RASGRF1: variants seen among roughly 807,000 people sequenced by gnomAD.
The protein encoded by RASGRF1 is ras-specific guanine nucleotide-releasing factor 1.
Under a neutral mutation model 138.7 loss-of-function variants are expected in RASGRF1, and 40 were observed. The observed-to-expected ratio is 0.29, with a 90% CI of 0.22 to 0.38. The LOEUF (loss-of-function observed/expected upper bound fraction) is 0.38. Ranked by LOEUF, RASGRF1 falls within the 10% of genes least tolerant of loss-of-function variation. The pLI is 1.00. For missense variants in RASGRF1, 1,108 were observed against 1,650.4 expected (o/e 0.67, Z 5.69); for synonymous variants, 614 against 663.2 (o/e 0.93, Z 1.14).
chr15:79,077,521 A>G (rs114423309), intron 1 of RASGRF1, among the ~76,000 whole-genome samples: 91 of 152,274 alleles, frequency 6.0e-4, no homozygotes, highest in African/African-American at 2.1e-3. Flanking sequence ...ATGCCTGCAC[A>G]CATACACACA....
In RASGRF1 at chr15:79,035,289, C is replaced by T. The variant is rs1393826873; in HGVS notation, c.879-79G>A. On this transcript the variant is annotated intron_variant, in intron 5 of 26. Coordinates refer to ENST00000558480, the MANE Select transcript of RASGRF1 (RefSeq NM_001145648.3). ...GAGGTGACTGTCCCCAAACCTCCTG[C>T]GTGACTTCAGCAGCGAACCCTTTTC... The T allele has an allele frequency of 4.2e-6, 5 of 1,190,506 alleles. No homozygotes were observed. The South Asian group carries it at 4.3e-5, about 10-fold the overall frequency. 73.7% of individuals were successfully genotyped at this position (1,190,506 alleles called of 1,614,324 possible). A position where few individuals can be genotyped will look rare whatever the true frequency, so the allele number is the denominator to read the frequency against.
chr15:79,048,720 T>C (rs1040706564), intron 4 of RASGRF1, among the ~76,000 whole-genome samples: 4 of 152,218 alleles, frequency 2.6e-5, no homozygotes, highest in Admixed American at 1.3e-4. Context: ...GATGAAAATC[T>C]CAAAATCTCA....
At position 78,962,149 on chromosome 15, in the gene RASGRF1, T is replaced by G. The variant is rs1596303648; in HGVS notation, c.3769A>C (p.Thr1257Pro). The G allele has an allele frequency of 1.3e-6, 2 of 1,560,086 alleles. No individual in the cohort carries two copies. The highest frequency in any genetic ancestry group is 1.8e-6 in the Non-Finnish European group (2 of 1,139,560). Residue 1257 changes from threonine (T) to proline (P), a missense_variant, in exon 27 of 27, where the codon ACC (threonine) becomes CCC (proline). Thr to Pro is a conservative substitution (Grantham distance 38). This residue lies in a region of RASGRF1 where 686 missense variants were observed against 976.7 expected (regional missense o/e 0.70). Coordinates refer to ENST00000558480, the MANE Select transcript of RASGRF1 (RefSeq NM_001145648.3). ...GGTCTGGGCTGGGCTCAGCTTCAGGTGGGGAGTTTTGGTTCTATTCGGAGA... is the reference window on the plus strand; with the variant it reads ...GGTCTGGGCTGGGCTCAGCTTCAGGGGGGGAGTTTTGGTTCTATTCGGAGA... ...SSLRIEPKLP[T>P] is the part of the protein sequence containing the mutation.
At chr15:79,065,846 C>T (rs1372877718) in intron 1 of RASGRF1, among the ~76,000 whole-genome samples, 1 of 150,664 alleles carries the variant, frequency 6.6e-6, no homozygotes, top group Non-Finnish European at 1.5e-5. Context: ...ATTTTAGCTT[C>T]TGCTGACATT....
At chr15:78,980,998 T>C in intron 23 of RASGRF1, 1 of 263,826 alleles carries the variant, frequency 3.8e-6, no homozygotes, top group Non-Finnish European at 7.1e-6. Flanking sequence ...CTGGGCAGTT[T>C]AGAAGGACTT....
chr15:79,083,335 C>G (rs2057937932), intron 1 of RASGRF1, among the ~76,000 whole-genome samples: 2 of 152,220 alleles, frequency 1.3e-5, no homozygotes, highest in South Asian at 4.1e-4. Flanking sequence ...GGACCTCTCT[C>G]AAGTCCACGC....
chr15:79,084,897 G>C lies in RASGRF1; in HGVS notation c.276+5326C>G, dbSNP rs111324915. 8.6e-3 allele frequency among the ~76,000 whole-genome samples: 1,302 copies of C among 152,192 alleles called. 28 individuals carry two copies. Among genetic ancestry groups the C allele is most frequent in the African/African-American group, 0.029 (1,222 of 41,512 alleles). On this transcript the variant is annotated intron_variant, in intron 1 of 26. Coordinates refer to ENST00000558480, the MANE Select transcript of RASGRF1 (RefSeq NM_001145648.3). ...TTCTGTTACAACCAATGGGATGGCA[G>C]GTCTTGCCAATTTTCCACGTGAGTG...
chr15:78,997,234 G>T (rs977080537), intron 19 of RASGRF1, among the ~76,000 whole-genome samples: 1 of 152,140 alleles, frequency 6.6e-6, no homozygotes, highest in Non-Finnish European at 1.5e-5. Flanking sequence ...CAACTTAACT[G>T]AATTCAATTC....
At chr15:79,047,197 T>C (rs1413458723) in intron 4 of RASGRF1, among the ~76,000 whole-genome samples, 198 bp from the exon 5 acceptor site, 2 of 152,248 alleles carry the variant, frequency 1.3e-5, no homozygotes, top group Non-Finnish European at 2.9e-5. Context: ...TTGGTTGCCC[T>C]GAGTCAGTTT....
chr15:78,971,986 C>G (rs1171700179), intron 25 of RASGRF1, 52 bp from the exon 26 acceptor site: 1 of 1,478,986 alleles, frequency 6.8e-7, no homozygotes, highest in Non-Finnish European at 9.5e-7. Context: ...CTAGTTCCAC[C>G]CCCAACTTTG....
chr15:79,085,692 G>C (rs1157014397), intron 1 of RASGRF1, among the ~76,000 whole-genome samples: 1 of 152,142 alleles, frequency 6.6e-6, no homozygotes, highest in African/African-American at 2.4e-5. Flanking sequence ...AGAGTCCCAG[G>C]CTCTTCAGGA....
rs753837179 is a variant in RASGRF1 at position 78,973,351 on chromosome 15, C to T, written c.3564G>A (p.Thr1188=). ...LTDLAFIEEG[T]PNYTEDGLVN... is the part of the protein sequence containing the mutation. ...CCAGGCCGTCTTCCGTGTAATTGGG[C>T]GTCCCCTCCTCGATGAAGGCCAGGT... The change falls in exon 25 of 27, where the codon ACG becomes ACA. Residue 1188 remains threonine (T), a synonymous_variant. Coordinates refer to ENST00000558480, the MANE Select transcript of RASGRF1 (RefSeq NM_001145648.3). The surrounding 1 kb of genome is among the most constrained non-coding windows in gnomAD (Gnocchi z 4.9). 2.5e-5 allele frequency: 41 copies of T among 1,613,746 alleles called. No individual in the cohort carries two copies. The highest frequency in any genetic ancestry group is 3.1e-5 in the Non-Finnish European group (36 of 1,179,866).
intron 5 of RASGRF1, among the ~76,000 whole-genome samples, chr15:79,045,716 T>C (rs1374077737): frequency 6.6e-6 from 1 of 152,154 alleles, no homozygotes; most frequent in East Asian, 1.9e-4. Flanking sequence ...CACAACCTCA[T>C]ACATCCCCAC....
intron 5 of RASGRF1, among the ~76,000 whole-genome samples, chr15:79,036,662 G>A (rs890319803): frequency 6.6e-6 from 1 of 152,166 alleles, no homozygotes; most frequent in Non-Finnish European, 1.5e-5. Flanking sequence ...TCAGAGGTTA[G>A]AGGCTCAGGA....
chr15:79,068,471 CTA>C (rs55712182), intron 1 of RASGRF1, among the ~76,000 whole-genome samples: 98 of 124,962 alleles, frequency 7.8e-4, no homozygotes, highest in South Asian at 2.4e-3. Flanking sequence ...CTTTTTGAGC[CTA>C]TATATATATA....
chr15:79,070,067 G>A (rs1344595027), intron 1 of RASGRF1, among the ~76,000 whole-genome samples: 3 of 152,182 alleles, frequency 2.0e-5, no homozygotes, highest in South Asian at 2.1e-4. Flanking sequence ...GGCAGCAGGG[G>A]CTGGGGAGTA....
chr15:79,054,978 T>A (rs948973644), intron 3 of RASGRF1, among the ~76,000 whole-genome samples: 2 of 152,318 alleles, frequency 1.3e-5, no homozygotes, highest in Non-Finnish European at 1.5e-5. Context: ...AGGTGGACTA[T>A]GAGAGTGTAG....
At chr15:78,993,247 C>T (rs1402061943) in intron 20 of RASGRF1, among the ~76,000 whole-genome samples, 40 of 49,216 alleles carry the variant, frequency 8.1e-4, no homozygotes, top group African/African-American at 1.6e-3. Context: ...TGTGTGTGTA[C>T]GTGGTGTGTG....
intron 13 of RASGRF1, among the ~76,000 whole-genome samples, chr15:79,010,313 C>T (rs1393640130): frequency 6.6e-6 from 1 of 152,220 alleles, no homozygotes; most frequent in Non-Finnish European, 1.5e-5. Flanking sequence ...GCCGGGATTA[C>T]AGGCTTGAGT....
Sources: gnomAD v4.1 joint callset for allele counts (sites outside exome capture counted in the v4.1 genomes callset) on GRCh38, gnomAD v4.1.1 for gene constraint, gnomAD v4.1.1 regional missense constraint, Gnocchi (gnomAD v3.1) non-coding constraint, MANE v1.5 for transcripts, NCBI Gene and HGNC (gene_info 2026-07-23, HGNC 2026-07-21) for gene names.